The following PPA2 variants were observed in gnomAD, a reference collection of about 807,000 sequenced individuals.
PPA2 encodes the protein inorganic pyrophosphatase 2.
A neutral mutation model predicts 49.5 loss-of-function variants in PPA2; 48 were observed. The observed-to-expected ratio is 0.97, with a 90% CI of 0.77 to 1.23. PPA2 has a LOEUF of 1.23. Ranked by LOEUF, PPA2 falls within the 50% of genes most tolerant of loss-of-function variation. The pLI, the probability that PPA2 is intolerant of heterozygous loss-of-function variation, is 0.00. For synonymous variants in PPA2, 131 were observed against 139.9 expected (o/e 0.94, Z 0.45); for missense variants, 429 against 410.1 (o/e 1.05, Z -0.40).
Position 105,473,968 on chromosome 4 carries a change from G to A in PPA2, c.83C>T (p.Ser28Leu), listed in dbSNP as rs1271090971. Residue 28 changes from serine to leucine, a missense_variant, in exon 1 of 12, where the codon TCG becomes TTG. Transcript: ENST00000341695. ...GTGGTACAGGGCCATAGCACGGCGC[G>A]ACCCGGTCCCTGCACTGGTCCCCAA... ...LRLGTSAGTG[S>L]RRAMALYHTE... 10 of 1,611,462 alleles carry A rather than the reference G, an allele frequency of 6.2e-6. No individual in the cohort carries two copies. The highest frequency in any genetic ancestry group is 1.1e-5 in the South Asian group (1 of 90,820).
At chr4:105,383,108 C>T (rs139077077) in intron 10 of PPA2, among the ~76,000 whole-genome samples, 1 of 152,296 alleles carries the variant, frequency 6.6e-6, no homozygotes, top group East Asian at 1.9e-4. Flanking sequence ...CACTCTCTCT[C>T]CCTTTTATGG....
At chr4:105,372,923 G>C (rs758633695) in intron 10 of PPA2, among the ~76,000 whole-genome samples, 1 of 152,132 alleles carries the variant, frequency 6.6e-6, no homozygotes, top group African/African-American at 2.4e-5. Context: ...GAAAAAAGCT[G>C]AACAAACAGA....
chr4:105,400,889 T>C (rs910723433), intron 7 of PPA2, among the ~76,000 whole-genome samples: 1 of 152,114 alleles, frequency 6.6e-6, no homozygotes. Flanking sequence ...AATTTTATAA[T>C]GGAAATAAGA....
intron 9 of PPA2, among the ~76,000 whole-genome samples, chr4:105,395,983 T>C (rs539234626): frequency 4.8e-4 from 73 of 152,228 alleles, no homozygotes; most frequent in African/African-American, 1.6e-3. Context: ...TGCTGAAAAA[T>C]TGCGTTTTTC....
intron 9 of PPA2, among the ~76,000 whole-genome samples, chr4:105,387,371 T>A (rs576467707): frequency 6.6e-6 from 1 of 152,240 alleles, no homozygotes; most frequent in South Asian, 2.1e-4. Context: ...ATTAACTTTT[T>A]TAAATAGAAG....
At chr4:105,388,801 G>A (rs1411092244) in intron 9 of PPA2, among the ~76,000 whole-genome samples, 4 of 136,982 alleles carry the variant, frequency 2.9e-5, no homozygotes, top group Non-Finnish European at 6.0e-5. Context: ...CTCCAGCTTG[G>A]GTGACAGAGC....
intron 6 of PPA2, among the ~76,000 whole-genome samples, chr4:105,437,149 C>CA (rs1724097568): frequency 6.6e-6 from 1 of 151,848 alleles, no homozygotes; most frequent in Admixed American, 6.6e-5. Flanking sequence ...CAACATTTCT[C>CA]AAAAAAAGAA....
intron 6 of PPA2, among the ~76,000 whole-genome samples, chr4:105,434,753 T>C (rs1723968650): frequency 6.6e-6 from 1 of 152,156 alleles, no homozygotes; most frequent in South Asian, 2.1e-4. Context: ...CAAGGAAGCA[T>C]GCCCAGATTA....
At chr4:105,438,073 G>A in intron 5 of PPA2, 37 bp from the exon 6 acceptor site, 2 of 1,367,346 alleles carry the variant, frequency 1.5e-6, no homozygotes, top group Non-Finnish European at 2.0e-6. Flanking sequence ...AGAAATGTAA[G>A]TTAATACTAT....
intron 1 of PPA2, among the ~76,000 whole-genome samples, chr4:105,459,372 T>A (rs1352839504): frequency 6.6e-6 from 1 of 152,188 alleles, no homozygotes; most frequent in Non-Finnish European, 1.5e-5. Flanking sequence ...AAAACAAAAT[T>A]ACCAATTTTT....
At chr4:105,392,362 C>A in intron 9 of PPA2, among the ~76,000 whole-genome samples, 1 of 151,846 alleles carries the variant, frequency 6.6e-6, no homozygotes, top group Non-Finnish European at 1.5e-5. Flanking sequence ...AGAAGAGTCA[C>A]TACCTGGATT....
intron 3 of PPA2, among the ~76,000 whole-genome samples, chr4:105,450,872 G>A (rs1722648695): frequency 6.6e-6 from 1 of 152,140 alleles, no homozygotes; most frequent in African/African-American, 2.4e-5. Context: ...CTCCCAAAGT[G>A]CTGGGATTAC....
chr4:105,396,157 A>C, intron 9 of PPA2, 92 bp downstream of exon 9: 1 of 793,338 alleles, frequency 1.3e-6, no homozygotes, highest in Non-Finnish European at 1.9e-6. Context: ...GTTTAAATTA[A>C]AAAAAATGCA....
At chr4:105,373,929 A>T (rs1049832447) in intron 10 of PPA2, among the ~76,000 whole-genome samples, 34 of 152,170 alleles carry the variant, frequency 2.2e-4, no homozygotes, top group Admixed American at 2.2e-3. Flanking sequence ...GATAAACATC[A>T]GCTATTTGAC....
intron 3 of PPA2, among the ~76,000 whole-genome samples, chr4:105,452,251 AT>A (rs1722705009): frequency 6.6e-6 from 1 of 152,176 alleles, no homozygotes; most frequent in South Asian, 2.1e-4. Context: ...TAAGAATTAA[AT>A]TTTAATTTGA....
chr4:105,447,485 T>C (rs1404674294), intron 4 of PPA2, among the ~76,000 whole-genome samples: 3 of 152,204 alleles, frequency 2.0e-5, no homozygotes, highest in Non-Finnish European at 4.4e-5. Flanking sequence ...ATGAGTATAG[T>C]TAATAACGTA....
At chr4:105,410,901 G>T (rs1027859597) in intron 7 of PPA2, among the ~76,000 whole-genome samples, 7 of 152,166 alleles carry the variant, frequency 4.6e-5, no homozygotes, top group African/African-American at 1.7e-4. Context: ...CCTTACAAGA[G>T]CTCCTGAAGG....
intron 7 of PPA2, among the ~76,000 whole-genome samples, chr4:105,404,662 A>T (rs1722377538): frequency 6.6e-6 from 1 of 152,236 alleles, no homozygotes; most frequent in Non-Finnish European, 1.5e-5. Flanking sequence ...ATCACCTAAT[A>T]AAAGGGAATA....
At chr4:105,467,725 A>G (rs1420598438) in intron 1 of PPA2, among the ~76,000 whole-genome samples, 20 of 152,198 alleles carry the variant, frequency 1.3e-4, no homozygotes, top group Admixed American at 6.5e-5. Flanking sequence ...GTCTTTTGGT[A>G]CATTTCAAAA....
Sources: gnomAD v4.1 joint callset for allele counts (sites outside exome capture counted in the v4.1 genomes callset) on GRCh38, gnomAD v4.1.1 for gene constraint, MANE v1.5 for transcripts, NCBI Gene and HGNC (gene_info 2026-07-23, HGNC 2026-07-21) for gene names.